Variants in GRIA4 observed in about 807,000 individuals in gnomAD.
The protein encoded by GRIA4 is glutamate ionotropic receptor AMPA type subunit 4.
Under a neutral mutation model 104.0 loss-of-function variants are expected in GRIA4, and 34 were observed. The ratio of observed to expected loss-of-function variants is 0.33; its 90% confidence interval spans 0.25 to 0.44. The LOEUF (loss-of-function observed/expected upper bound fraction) is 0.44, where lower values mean the gene tolerates loss of function less well. Ranked by LOEUF, GRIA4 falls within the 20% of genes least tolerant of loss-of-function variation. The pLI is 1.00. For missense variants in GRIA4, 750 were observed against 1,096.5 expected (o/e 0.68, Z 4.46); for synonymous variants, 386 against 381.9 (o/e 1.01, Z -0.13).
intron 4 of GRIA4, among the ~76,000 whole-genome samples, chr11:105,785,434 G>A (rs779667901): frequency 2.3e-4 from 35 of 152,128 alleles, no homozygotes; most frequent in Non-Finnish European, 4.6e-4. Flanking sequence ...ATGAAAAATG[G>A]TAAATAAATA....
chr11:105,630,842 C>A (rs1951018262), intron 3 of GRIA4, among the ~76,000 whole-genome samples: 1 of 152,078 alleles, frequency 6.6e-6, no homozygotes, highest in East Asian at 1.9e-4. Flanking sequence ...GATTTAGAAT[C>A]AAAGAGTCCT....
intron 4 of GRIA4, among the ~76,000 whole-genome samples, chr11:105,791,852 C>T (rs1451371449): frequency 2.6e-5 from 4 of 152,080 alleles, no homozygotes; most frequent in African/African-American, 9.7e-5. Flanking sequence ...GTCATGAATG[C>T]TGTATAGCAT....
At chr11:105,832,329 T>C (rs1352280773) in intron 4 of GRIA4, among the ~76,000 whole-genome samples, 10 of 151,758 alleles carry the variant, frequency 6.6e-5, no homozygotes, top group Admixed American at 2.6e-4. Flanking sequence ...ACACAAGCTC[T>C]CTGAGGGTCT....
intron 4 of GRIA4, among the ~76,000 whole-genome samples, chr11:105,782,782 G>A (rs1434612689): frequency 2.0e-5 from 3 of 152,236 alleles, no homozygotes; most frequent in African/African-American, 4.8e-5. Context: ...GACAATTCAC[G>A]AACAGAAGAG....
At chr11:105,746,373 A>C (rs941861912) in intron 3 of GRIA4, among the ~76,000 whole-genome samples, 5 of 152,194 alleles carry the variant, frequency 3.3e-5, no homozygotes, top group Admixed American at 1.3e-4. Context: ...AGGCAACATC[A>C]AAAATAATTA....
rs1240180184 is a variant in GRIA4 at position 105,898,397 on chromosome 11, A to G, written c.855A>G (p.Arg285=). ...LMDRWKKLDQ[R]EYPGSETPPK... Reference sequence around the variant, plus strand: ...ATCGCTGGAAGAAACTAGATCAGAGAGAGTATCCAGGATCTGAGACTCCTC... The same window carrying G: ...ATCGCTGGAAGAAACTAGATCAGAGGGAGTATCCAGGATCTGAGACTCCTC... The change falls in exon 7 of 17, where the codon AGA becomes AGG. Residue 285 remains arginine, a synonymous_variant. Transcript: ENST00000282499. 1 of 1,593,826 alleles carries G rather than the reference A, an allele frequency of 6.3e-7. No homozygotes were observed. Among genetic ancestry groups the G allele is most frequent in the Admixed American group, 1.7e-5 (1 of 59,826 alleles).
chr11:105,830,663 G>A (rs995263502), intron 4 of GRIA4, among the ~76,000 whole-genome samples: 1 of 151,960 alleles, frequency 6.6e-6, no homozygotes, highest in African/African-American at 2.4e-5. Context: ...CTCAGTCATG[G>A]ATTCTATTCC....
chr11:105,695,791 C>T (rs1953256695), intron 3 of GRIA4, among the ~76,000 whole-genome samples: 1 of 152,158 alleles, frequency 6.6e-6, no homozygotes, highest in African/African-American at 2.4e-5. Flanking sequence ...GGAGCCATTA[C>T]TTAAACCTGA....
chr11:105,959,550 C>G (rs1447857571), intron 14 of GRIA4, among the ~76,000 whole-genome samples: 1 of 152,154 alleles, frequency 6.6e-6, no homozygotes, highest in South Asian at 2.1e-4. Context: ...TTAAAACATG[C>G]ATTTTTAGCT....
At chr11:105,870,837 G>A (rs562356809) in intron 5 of GRIA4, among the ~76,000 whole-genome samples, 5 of 152,104 alleles carry the variant, frequency 3.3e-5, no homozygotes, top group East Asian at 1.9e-4. Flanking sequence ...CATGATTGAC[G>A]TCGTGTTTTA....
chr11:105,815,689 T>G (rs1943349276), intron 4 of GRIA4, among the ~76,000 whole-genome samples: 1 of 151,996 alleles, frequency 6.6e-6, no homozygotes, highest in African/African-American at 2.4e-5. Context: ...AAAAAAAATG[T>G]GGATGAGTCC....
chr11:105,760,841 A>G (rs1348299760), intron 4 of GRIA4, among the ~76,000 whole-genome samples: 1 of 151,504 alleles, frequency 6.6e-6, no homozygotes, highest in Non-Finnish European at 1.5e-5. Flanking sequence ...ATGGTTTGAA[A>G]CCCTTTGGGA....
chr11:105,739,297 C>A (rs887562681), intron 3 of GRIA4, among the ~76,000 whole-genome samples: 1 of 152,136 alleles, frequency 6.6e-6, no homozygotes, highest in Non-Finnish European at 1.5e-5. Flanking sequence ...TTTTACTGAG[C>A]TCTCAATTAG....
chr11:105,616,551 A>T (rs1010818574), intron 3 of GRIA4, among the ~76,000 whole-genome samples: 2 of 151,688 alleles, frequency 1.3e-5, no homozygotes, highest in East Asian at 3.9e-4. Context: ...GTACTAAATA[A>T]TATAATATTT....
At chr11:105,780,594 A>T (rs1941683013) in intron 4 of GRIA4, among the ~76,000 whole-genome samples, 1 of 152,212 alleles carries the variant, frequency 6.6e-6, no homozygotes, top group Non-Finnish European at 1.5e-5. Flanking sequence ...AAGATGAATA[A>T]AAATTTTAAT....
intron 1 of GRIA4, 175 bp from the exon 2 acceptor site, chr11:105,610,733 C>A: frequency 2.4e-6 from 1 of 412,686 alleles, no homozygotes; most frequent in Non-Finnish European, 4.4e-6. Flanking sequence ...CATTTGCAGC[C>A]GGACAGAAAA....
At chr11:105,742,634 C>T (rs1939387121) in intron 3 of GRIA4, among the ~76,000 whole-genome samples, 1 of 150,928 alleles carries the variant, frequency 6.6e-6, no homozygotes. Flanking sequence ...ATATATATAG[C>T]CTCTCTTGAT....
intron 4 of GRIA4, among the ~76,000 whole-genome samples, chr11:105,812,426 C>T (rs1158187892): frequency 6.6e-6 from 1 of 152,190 alleles, no homozygotes; most frequent in East Asian, 1.9e-4. Flanking sequence ...CATGTGAGGG[C>T]TTGAAAATCA....
chr11:105,612,541 C>T, intron 3 of GRIA4, 107 bp downstream of exon 3: 1 of 841,344 alleles, frequency 1.2e-6, no homozygotes, highest in South Asian at 2.0e-5. Context: ...TCAAGATTCC[C>T]ACAGTTGCCT....
Sources: allele counts gnomAD v4.1 joint callset (sites outside exome capture counted in the v4.1 genomes callset), GRCh38; gene constraint gnomAD v4.1.1; transcripts MANE v1.5; gene names NCBI Gene and HGNC (gene_info 2026-07-23, HGNC 2026-07-21).